ZNF492: variants seen among roughly 807,000 people sequenced by gnomAD.
ZNF492 encodes zinc finger protein 115 (Y20).
In ZNF492, 3 loss-of-function variants were observed where a neutral mutation model predicts 6.4. The observed-to-expected ratio is 0.47, with a 90% CI of 0.21 to 1.22. ZNF492 has a LOEUF of 1.22. ZNF492 is among the 50% of genes most tolerant of loss of function. The pLI, the probability that ZNF492 is intolerant of heterozygous loss-of-function variation, is 0.22. For missense variants in ZNF492, 356 were observed against 612.5 expected, an observed-to-expected ratio of 0.58 and a Z score of 4.42; for synonymous variants, 112 against 205.3, an observed-to-expected ratio of 0.55 and a Z score of 3.89.
In ZNF492 at chr19:22,666,221, C is replaced by G. The variant is rs1254829926; in HGVS notation, c.*956C>G. ...TTTTTTTTTTAGATGGAGTCTTGCT[C>G]TATCGCCCCCCCAGGCTGGAGTACA... On this transcript the variant is annotated 3_prime_UTR_variant, in exon 4 of 4. Transcript: ENST00000456783. The G allele has an allele frequency of 1.5e-5, 2 of 130,184 alleles. No homozygotes were observed. Among genetic ancestry groups the G allele is most frequent in the African/African-American group, 3.2e-5 (1 of 31,392 alleles). The allele number at this position is 130,184 out of a possible 1,614,324, so 8.1% of individuals were successfully genotyped here. A position where few individuals can be genotyped will look rare whatever the true frequency, so the allele number is the denominator to read the frequency against.
intron 3 of ZNF492, among the ~76,000 whole-genome samples, chr19:22,656,229 G>A (rs1234895725): frequency 6.8e-6 from 1 of 148,048 alleles, no homozygotes; most frequent in Non-Finnish European, 1.5e-5. Flanking sequence ...TAGGTAGCTT[G>A]TTTACAAAGG....
chr19:22,642,270 G>A (rs935107626), intron 1 of ZNF492, among the ~76,000 whole-genome samples: 6 of 151,910 alleles, frequency 3.9e-5, no homozygotes, highest in African/African-American at 1.5e-4. Context: ...GAAAATAAGG[G>A]AGGATATTTT....
chr19:22,639,955 G>T (rs1312040796), intron 1 of ZNF492, among the ~76,000 whole-genome samples: 1 of 151,574 alleles, frequency 6.6e-6, no homozygotes, highest in Non-Finnish European at 1.5e-5. Flanking sequence ...ATGATTCCAG[G>T]TTATGTATAT....
chr19:22,635,703 C>T (rs190185642), intron 1 of ZNF492, among the ~76,000 whole-genome samples: 7 of 151,174 alleles, frequency 4.6e-5, no homozygotes, highest in Admixed American at 3.3e-4. Context: ...TATTCTTGGT[C>T]CTGGCTTTCA....
chr19:22,654,684 C>G (rs1375430628), intron 3 of ZNF492, among the ~76,000 whole-genome samples: 3 of 150,916 alleles, frequency 2.0e-5, no homozygotes, highest in Non-Finnish European at 4.4e-5. Context: ...TAACTGCAAC[C>G]TCTGCCTCCT....
chr19:22,649,719 C>A (rs1446655832), intron 1 of ZNF492, among the ~76,000 whole-genome samples: 3 of 152,044 alleles, frequency 2.0e-5, no homozygotes, highest in Admixed American at 1.3e-4. Context: ...TTTTCTTCTA[C>A]TTTGTCAATT....
At chr19:22,649,859 G>T (rs1568354238) in intron 1 of ZNF492, among the ~76,000 whole-genome samples, 1 of 151,984 alleles carries the variant, frequency 6.6e-6, no homozygotes, top group African/African-American at 2.4e-5. Context: ...TTTTATCAAG[G>T]TTCTTAGGTT....
chr19:22,647,508 C>A (rs1264772291), intron 1 of ZNF492, among the ~76,000 whole-genome samples: 1 of 151,354 alleles, frequency 6.6e-6, no homozygotes, highest in Non-Finnish European at 1.5e-5. Flanking sequence ...GTGATCCCCC[C>A]CAATCTCGGC....
intron 3 of ZNF492, among the ~76,000 whole-genome samples, chr19:22,659,880 A>T (rs1158491860): frequency 6.6e-6 from 1 of 151,994 alleles, no homozygotes; most frequent in Non-Finnish European, 1.5e-5. Flanking sequence ...TGGCCAGGCC[A>T]GTCTCGAACT....
At chr19:22,638,841 T>G (rs202012019) in intron 1 of ZNF492, among the ~76,000 whole-genome samples, 3 of 100,624 alleles carry the variant, frequency 3.0e-5, no homozygotes, top group Middle Eastern at 4.9e-3. Flanking sequence ...ATTGATCTTT[T>G]TTTGTTTGTT....
chr19:22,635,519 AT>A (rs1971752021), intron 1 of ZNF492, among the ~76,000 whole-genome samples: 1 of 152,222 alleles, frequency 6.6e-6, no homozygotes. Flanking sequence ...GTTTGTAAAT[AT>A]TTCCCATGAG....
chr19:22,652,583 C>A, intron 1 of ZNF492, among the ~76,000 whole-genome samples: 1 of 130,740 alleles, frequency 7.6e-6, no homozygotes, highest in East Asian at 2.3e-4. Context: ...ATTTTCTTTT[C>A]TTTTTTTTTT....
At chr19:22,638,759 A>C (rs1568351467) in intron 1 of ZNF492, among the ~76,000 whole-genome samples, 1 of 152,244 alleles carries the variant, frequency 6.6e-6, no homozygotes, top group East Asian at 1.9e-4. Flanking sequence ...TCTGTTAAGA[A>C]ATATTTTTGG....
chr19:22,658,884 G>A (rs2361254), intron 3 of ZNF492, among the ~76,000 whole-genome samples: 3 of 115,804 alleles, frequency 2.6e-5, no homozygotes, highest in African/African-American at 1.2e-4. Flanking sequence ...CACCTTTATA[G>A]TCATACCAAA....
intron 1 of ZNF492, among the ~76,000 whole-genome samples, chr19:22,636,299 A>G (rs563538961): frequency 2.6e-4 from 39 of 152,016 alleles, no homozygotes; most frequent in African/African-American, 9.4e-4. Flanking sequence ...GGGTTTCTCC[A>G]TGTTGGTCAG....
At chr19:22,636,291 G>A (rs1411523739) in intron 1 of ZNF492, among the ~76,000 whole-genome samples, 1 of 151,898 alleles carries the variant, frequency 6.6e-6, no homozygotes, top group African/African-American at 2.4e-5. Flanking sequence ...TAGAGATGGG[G>A]TTTCTCCATG....
At chr19:22,659,203 C>T (rs1272625554) in intron 3 of ZNF492, among the ~76,000 whole-genome samples, 10 of 149,962 alleles carry the variant, frequency 6.7e-5, no homozygotes, top group African/African-American at 9.9e-5. Flanking sequence ...TTTTTTTTCT[C>T]GTTGTATACT....
intron 1 of ZNF492, among the ~76,000 whole-genome samples, chr19:22,642,031 C>G (rs8112497): frequency 0.19 from 29,457 of 151,832 alleles, 3,724 homozygotes; most frequent in African/African-American, 0.37. Flanking sequence ...CTGACCTCGT[C>G]ATCCGCCCGC....
At chr19:22,637,981 A>AT (rs899351673) in intron 1 of ZNF492, among the ~76,000 whole-genome samples, 2 of 152,072 alleles carry the variant, frequency 1.3e-5, no homozygotes, top group Non-Finnish European at 2.9e-5. Flanking sequence ...AGTGATGAGC[A>AT]TTTTTTTTAT....
Sources: gnomAD v4.1 joint callset for allele counts (sites outside exome capture counted in the v4.1 genomes callset) on GRCh38, gnomAD v4.1.1 for gene constraint, MANE v1.5 for transcripts, NCBI Gene and HGNC (gene_info 2026-07-23, HGNC 2026-07-21) for gene names.